The following CA1 variants were observed in gnomAD, a reference collection of about 807,000 sequenced individuals.
The protein encoded by CA1 is carbonic anhydrase 1.
CA1 carries 27 observed loss-of-function variants against 28.8 expected under a neutral mutation model. That is an observed-to-expected ratio of 0.94 (90% CI 0.69 to 1.29). The LOEUF (loss-of-function observed/expected upper bound fraction) is 1.29. Among genes scored for constraint, CA1 ranks in the 50% most tolerant of loss-of-function variants. The pLI is 0.00. For missense variants in CA1, 335 were observed against 310.5 expected, an observed-to-expected ratio of 1.08 and a Z score of -0.59; for synonymous variants, 121 against 108.8, an observed-to-expected ratio of 1.11 and a Z score of -0.70.
intron 2 of CA1, among the ~76,000 whole-genome samples, chr8:85,338,913 A>C (rs1383264944): frequency 6.6e-6 from 1 of 151,650 alleles, no homozygotes; most frequent in Non-Finnish European, 1.5e-5. Context: ...ATGGGGTTTC[A>C]TCATGTTGTC....
At chr8:85,337,176 T>C (rs1808695501) in intron 3 of CA1, 113 bp from the exon 4 acceptor site, 1 of 752,012 alleles carries the variant, frequency 1.3e-6, no homozygotes, top group Non-Finnish European at 2.4e-6. Flanking sequence ...AAACAAACAT[T>C]AGTGCCTAAA....
Position 85,338,450 on chromosome 8 carries a change from C to T in CA1, c.38-1G>A, listed in dbSNP as rs761914154. 3.1e-6 allele frequency: 5 copies of T among 1,612,836 alleles called. No homozygotes were observed. The highest frequency in any genetic ancestry group is 1.7e-5 in the Admixed American group (1 of 59,992). On this transcript the variant is annotated splice_acceptor_variant, in intron 2 of 7. Coordinates refer to ENST00000523022, the MANE Select transcript of CA1 (RefSeq NM_001128831.4). LOFTEE classifies it high-confidence loss of function. ...TACAGCTTGCTCCATTGTTCAGGAC[C>T]TACCAGGACAAACACGTGTAAAATC...
rs1808321963 is a variant in CA1, at chr8:85,329,758, A to G, written c.600T>C (p.Thr200=). ...TTACACTCTCATAAAGAGGAGGATGAGTCAGAGAGCCAGGGTAGGTCCAGA... is the reference window on the plus strand; with the variant it reads ...TTACACTCTCATAAAGAGGAGGATGGGTCAGAGAGCCAGGGTAGGTCCAGA... ...LDFWTYPGSL[T]HPPLYESVTW... The change falls in exon 7 of 8, where the codon ACT becomes ACC. Residue 200 remains threonine (T), a synonymous_variant. Transcript: ENST00000523022. 6.2e-7 allele frequency: 1 copy of G among 1,607,060 alleles called. No individual in the cohort carries two copies. The highest frequency in any genetic ancestry group is 1.7e-5 in the Admixed American group (1 of 59,356).
chr8:85,327,749 G>T lies in CA1; in HGVS notation c.*811C>A, dbSNP rs761954481. On this transcript the variant is annotated 3_prime_UTR_variant, in exon 8 of 8. Transcript: ENST00000523022. Reference sequence around the variant, plus strand: ...AGATAAAAATAGCATAAGGTGAAGCGCACATCTGACTAAAAGATTGCATGA... The same window carrying T: ...AGATAAAAATAGCATAAGGTGAAGCTCACATCTGACTAAAAGATTGCATGA... 1 of 152,086 alleles carries T rather than the reference G, an allele frequency of 6.6e-6. No homozygotes were observed. The highest frequency in any genetic ancestry group is 2.1e-4 in the South Asian group (1 of 4,824). The allele number at this position is 152,086 out of a possible 1,614,324, so 9.4% of individuals were successfully genotyped here.
chr8:85,329,550 C>A (rs192215000), intron 7 of CA1, 139 bp downstream of exon 7: 2 of 819,222 alleles, frequency 2.4e-6, no homozygotes, highest in Non-Finnish European at 4.0e-6. Flanking sequence ...CCTATGTCCC[C>A]AAATTAATAT....
At chr8:85,358,279 A>C (rs1227624300) in intron 1 of CA1, among the ~76,000 whole-genome samples, 1 of 152,176 alleles carries the variant, frequency 6.6e-6, no homozygotes, top group Non-Finnish European at 1.5e-5. Flanking sequence ...TTTTAGATGG[A>C]GTGCCATCCC....
Position 85,328,532 on chromosome 8 carries a change from A to G in CA1, c.*28T>C. On this transcript the variant is annotated 3_prime_UTR_variant, in exon 8 of 8. Coordinates refer to ENST00000523022, the MANE Select transcript of CA1 (RefSeq NM_001128831.4). ...TGTCAGAAGCAGGGCTGTGTTCTTG[A>G]GGAAGGACAAGTTTCTTCTCAGAAT... is the stretch of plus-strand genomic sequence containing the variant. The G allele has an allele frequency of 8.2e-7, 1 of 1,212,602 alleles. No homozygotes were observed. The highest frequency in any genetic ancestry group is 1.2e-5 in the South Asian group (1 of 82,216). 75.1% of individuals were successfully genotyped at this position (1,212,602 alleles called of 1,614,324 possible). A position where few individuals can be genotyped will look rare whatever the true frequency, so the allele number is the denominator to read the frequency against.
At chr8:85,337,392 A>G (rs1564023785) in intron 3 of CA1, among the ~76,000 whole-genome samples, 1 of 152,138 alleles carries the variant, frequency 6.6e-6, no homozygotes, top group Non-Finnish European at 1.5e-5. Flanking sequence ...ATCTCCTTTA[A>G]TTTGCAAGTT....
At chr8:85,371,494 C>A (rs760785125) in intron 1 of CA1, among the ~76,000 whole-genome samples, 46 of 152,168 alleles carry the variant, frequency 3.0e-4, no homozygotes, top group Non-Finnish European at 8.8e-5. Context: ...AGAACGGGGT[C>A]TCTGAATATT....
intron 1 of CA1, among the ~76,000 whole-genome samples, chr8:85,349,594 A>G (rs945723045): frequency 1.3e-5 from 2 of 152,176 alleles, no homozygotes; most frequent in Admixed American, 6.5e-5. Flanking sequence ...ATGGACCACC[A>G]TTATCTTTGG....
chr8:85,338,247 C>A lies in CA1; in HGVS notation c.235+5G>T. On this transcript the variant is annotated splice_donor_5th_base_variant and intron_variant, in intron 3 of 7. Transcript: ENST00000523022. Reference sequence around the variant, plus strand: ...AAAAAATATCAGAAGGGTCTTTCAGCTCACCTGATCGGTTATCGTTGTCCT... The same window carrying A: ...AAAAAATATCAGAAGGGTCTTTCAGATCACCTGATCGGTTATCGTTGTCCT... 2 of 1,611,088 alleles carry A rather than the reference C, an allele frequency of 1.2e-6. No homozygotes were observed. The highest frequency in any genetic ancestry group is 2.7e-5 in the African/African-American group (2 of 74,960).
chr8:85,371,886 G>A (rs1282298411), intron 1 of CA1, among the ~76,000 whole-genome samples: 1 of 152,040 alleles, frequency 6.6e-6, no homozygotes, highest in Non-Finnish European at 1.5e-5. Flanking sequence ...TGTCTTCTAT[G>A]GATGATTTTA....
intron 1 of CA1, among the ~76,000 whole-genome samples, chr8:85,353,220 C>A (rs1181956052): frequency 1.3e-5 from 2 of 152,220 alleles, no homozygotes; most frequent in Admixed American, 6.5e-5. Flanking sequence ...TGCAATTCAG[C>A]TCACTTGGGT....
In CA1 at chr8:85,348,020, A is replaced by G. The variant is rs143583012; in HGVS notation, c.-24-6361T>C. 1.7e-3 allele frequency among the ~76,000 whole-genome samples: 259 copies of G among 152,320 alleles called. 1 individual carries two copies. The highest frequency in any genetic ancestry group is 6.0e-3 in the African/African-American group (248 of 41,578). On this transcript the variant is annotated intron_variant, in intron 1 of 7. Coordinates refer to ENST00000523022, the MANE Select transcript of CA1 (RefSeq NM_001128831.4). ...CTGGGAATCTATGTTTTTAACAAACATTTCCAGGTAATATATTAAAAACAT... is the reference window on the plus strand; with the variant it reads ...CTGGGAATCTATGTTTTTAACAAACGTTTCCAGGTAATATATTAAAAACAT...
Position 85,361,298 on chromosome 8 carries a change from A to C in CA1, c.-25+16748T>G, listed in dbSNP as rs111668055. On this transcript the variant is annotated intron_variant, in intron 1 of 7. Coordinates refer to ENST00000523022, the MANE Select transcript of CA1 (RefSeq NM_001128831.4). ...CTCCAAATCATCAAATAATGAGTTCATGAAGACCACCAGATACCCAAGAAG... is the reference window on the plus strand; with the variant it reads ...CTCCAAATCATCAAATAATGAGTTCCTGAAGACCACCAGATACCCAAGAAG... 4.3e-3 allele frequency among the ~76,000 whole-genome samples: 656 copies of C among 152,340 alleles called. 6 individuals carry two copies. Among genetic ancestry groups the C allele is most frequent in the African/African-American group, 0.015 (617 of 41,570 alleles).
chr8:85,359,796 T>C lies in CA1; in HGVS notation c.-24-18137A>G, dbSNP rs982092154. ...TATTCCACTAATGCCCCTAAAAATG[T>C]GGGCATGTATCTTATCTCTGTGCAC... On this transcript the variant is annotated intron_variant, in intron 1 of 7. Transcript: ENST00000523022. Among the ~76,000 whole-genome samples, 22 of 152,352 alleles carry C rather than the reference T, an allele frequency of 1.4e-4. 1 individual carries two copies. The highest frequency in any genetic ancestry group is 6.8e-3 in the Middle Eastern group (2 of 294).
chr8:85,348,865 A>T (rs1809300418), intron 1 of CA1, among the ~76,000 whole-genome samples: 1 of 152,190 alleles, frequency 6.6e-6, no homozygotes, highest in East Asian at 1.9e-4. Context: ...TTTTTTACTG[A>T]GTGTGCTACT....
At chr8:85,341,371 C>T (rs1275693889) in intron 2 of CA1, 8 of 398,728 alleles carry the variant, frequency 2.0e-5, no homozygotes. Flanking sequence ...ACTGAACCTT[C>T]AGTATCTCTG....
Position 85,338,341 on chromosome 8 carries a change from C to G in CA1, c.146G>C (p.Ser49Thr). The G allele has an allele frequency of 6.2e-7, 1 of 1,613,808 alleles. No homozygotes were observed. Among genetic ancestry groups the G allele is most frequent in the Non-Finnish European group, 8.5e-7 (1 of 1,179,758 alleles). Residue 49 changes from serine to threonine, a missense_variant, in exon 3 of 8, where the codon AGT becomes ACT. Transcript: ENST00000523022. Reference protein sequence around the residue: ...TKHDTSLKPISVSYNPATAKE... With the variant: ...TKHDTSLKPITVSYNPATAKE... The stretch of plus-strand genomic sequence containing the variant: ...GGCTGTGGCTGGGTTGTAGGAGACA[C>G]TAATAGGTTTCAGAGAGGTGTCATG...
Sources: allele counts gnomAD v4.1 joint callset (sites outside exome capture counted in the v4.1 genomes callset), GRCh38; gene constraint gnomAD v4.1.1; transcripts MANE v1.5; gene names NCBI Gene and HGNC (gene_info 2026-07-23, HGNC 2026-07-21).